Variants in MALRD1 observed in about 807,000 individuals in gnomAD.
MALRD1 encodes MAM and LDL receptor class A domain containing 1, also known as MAM and LDL-receptor class A domain-containing protein 1.
A neutral mutation model predicts 242.1 loss-of-function variants in MALRD1; 247 were observed. The ratio of observed to expected loss-of-function variants is 1.02; its 90% CI spans 0.92 to 1.13. The LOEUF is 1.13. Ranked by LOEUF, MALRD1 falls within the 50% of genes most tolerant of loss-of-function variation. The probability of loss-of-function intolerance (pLI) is 0.00; values close to 1 mark genes in which losing one functional copy is unlikely to be tolerated. For synonymous variants in MALRD1, 995 were observed against 866.6 expected, an observed-to-expected ratio of 1.15 and a Z score of -2.60; for missense variants, 2,989 against 2,533.1, an observed-to-expected ratio of 1.18 and a Z score of -3.86.
intron 38 of MALRD1, among the ~76,000 whole-genome samples, chr10:19,699,285 G>A (rs1275406718): frequency 7.1e-5 from 10 of 140,192 alleles, no homozygotes; most frequent in Admixed American, 6.9e-4. Flanking sequence ...GGAGAAAGGA[G>A]GGAAAGGAGG....
At chr10:19,533,362 C>G (rs1834513912) in intron 32 of MALRD1, among the ~76,000 whole-genome samples, 1 of 152,052 alleles carries the variant, frequency 6.6e-6, no homozygotes, top group South Asian at 2.1e-4. Flanking sequence ...GGGAAGTTTT[C>G]AGAGAGGTCT....
chr10:19,621,351 T>TAAAAAAAAAAAAAAAAAAAAAAAAAA (rs56041015), intron 36 of MALRD1, among the ~76,000 whole-genome samples: 2 of 121,838 alleles, frequency 1.6e-5, no homozygotes, highest in African/African-American at 3.1e-5. Context: ...TAAAAATATG[T>TAAAAAAAAAAAAAAAAAAAAAAAAAA]AAAAAAAAAA....
In MALRD1 at chr10:19,465,216, G is replaced by A. The variant is rs138886248; in HGVS notation, c.5029+14726G>A. 2.4e-3 allele frequency among the ~76,000 whole-genome samples: 366 copies of A among 152,122 alleles called. 7 individuals are homozygous for A. In the East Asian group the frequency reaches 0.051, roughly 21 times the overall value. ...TGCCCTTTATTTCTTTCTCTTGTCT[G>A]AATGCTCTAGCTAGGGCTTCCAGTA... On this transcript the variant is annotated intron_variant, in intron 29 of 39. Coordinates refer to ENST00000454679, the MANE Select transcript of MALRD1 (RefSeq NM_001142308.3).
intron 28 of MALRD1, among the ~76,000 whole-genome samples, chr10:19,449,295 G>A (rs147432396): frequency 0.056 from 8,510 of 152,190 alleles, 769 homozygotes; most frequent in African/African-American, 0.19. Flanking sequence ...TCCTGCCTCA[G>A]TCTCCCAAGT....
intron 38 of MALRD1, among the ~76,000 whole-genome samples, chr10:19,728,978 G>A (rs149701003): frequency 6.6e-6 from 1 of 152,280 alleles, no homozygotes; most frequent in East Asian, 1.9e-4. Context: ...GGAATTAACA[G>A]ATATTTGTTG....
intron 18 of MALRD1, among the ~76,000 whole-genome samples, chr10:19,221,600 G>A (rs1353943891): frequency 2.0e-5 from 3 of 152,118 alleles, no homozygotes; most frequent in Non-Finnish European, 4.4e-5. Context: ...CATGACTAGA[G>A]AAGGGAAGAA....
chr10:19,139,231 A>T (rs1469992747), intron 10 of MALRD1, among the ~76,000 whole-genome samples: 1 of 152,220 alleles, frequency 6.6e-6, no homozygotes, highest in Non-Finnish European at 1.5e-5. Flanking sequence ...GCACTAAAGT[A>T]TTTAATATAT....
chr10:19,655,530 G>GTATATATATA (rs56752723), intron 36 of MALRD1, among the ~76,000 whole-genome samples: 7 of 108,826 alleles, frequency 6.4e-5, no homozygotes, highest in South Asian at 3.1e-4. Context: ...ATGTGTGAGT[G>GTATATATATA]TATATATATA....
intron 29 of MALRD1, among the ~76,000 whole-genome samples, chr10:19,483,923 C>T (rs1456093135): frequency 1.3e-5 from 2 of 152,168 alleles, no homozygotes; most frequent in African/African-American, 4.8e-5. Context: ...ACATATTATA[C>T]ACTATGGAAT....
At chr10:19,320,394 A>G (rs111623065) in intron 21 of MALRD1, among the ~76,000 whole-genome samples, 9,026 of 152,152 alleles carry the variant, frequency 0.059, 552 homozygotes, top group African/African-American at 0.16. Context: ...TGCAAAGGAC[A>G]TGAACTCATT....
intron 31 of MALRD1, among the ~76,000 whole-genome samples, chr10:19,502,012 CAA>C (rs1181159875): frequency 7.4e-5 from 3 of 40,340 alleles, no homozygotes; most frequent in Non-Finnish European, 8.9e-5. Context: ...GATTCTGTCT[CAA>C]AAAAAAAAAA....
rs183087929 is a variant in MALRD1, at chr10:19,458,069, A to C, written c.5029+7579A>C. Among the ~76,000 whole-genome samples, 7 of 152,202 alleles carry C rather than the reference A, an allele frequency of 4.6e-5. No homozygotes were observed. The East Asian group carries it at 1.4e-3, about 29-fold the overall frequency. ...ATTTTTATACTAGGTTTCTTTATACACTGCAATGCACCTTTTGTACCTAGA... is the reference window on the plus strand; with the variant it reads ...ATTTTTATACTAGGTTTCTTTATACCCTGCAATGCACCTTTTGTACCTAGA... On this transcript the variant is annotated intron_variant, in intron 29 of 39. Coordinates refer to ENST00000454679, the MANE Select transcript of MALRD1 (RefSeq NM_001142308.3).
intron 14 of MALRD1, among the ~76,000 whole-genome samples, chr10:19,193,479 T>A (rs11008876): frequency 1.3e-4 from 20 of 152,126 alleles, no homozygotes; most frequent in Admixed American, 7.8e-4. Context: ...CTCTTGAGCC[T>A]GGGAGGTTGA....
At chr10:19,389,284 A>G (rs1023080858) in intron 27 of MALRD1, 168 bp from the exon 28 acceptor site, 6 of 767,292 alleles carry the variant, frequency 7.8e-6, no homozygotes, top group African/African-American at 5.1e-5. Flanking sequence ...TTGTTCTGTC[A>G]GCAAGCTAGA....
chr10:19,587,559 C>G (rs12264616), intron 33 of MALRD1, among the ~76,000 whole-genome samples: 4,327 of 152,292 alleles, frequency 0.028, 165 homozygotes, highest in African/African-American at 0.09. Context: ...GAGCACATTT[C>G]ATTGAATTTC....
At chr10:19,711,672 G>C (rs889539739) in intron 38 of MALRD1, among the ~76,000 whole-genome samples, 1 of 152,206 alleles carries the variant, frequency 6.6e-6, no homozygotes, top group African/African-American at 2.4e-5. Flanking sequence ...AGAACAGCCT[G>C]TGTATATGTG....
At chr10:19,579,387 G>A (rs1474946201) in intron 33 of MALRD1, among the ~76,000 whole-genome samples, 1 of 152,140 alleles carries the variant, frequency 6.6e-6, no homozygotes, top group Non-Finnish European at 1.5e-5. Flanking sequence ...TTCACTGATA[G>A]ATTGTCTAAA....
rs905452363 is a variant in MALRD1 at position 19,158,804 on chromosome 10, A to G, written c.1656+3632A>G. On this transcript the variant is annotated intron_variant, in intron 12 of 39. Transcript: ENST00000454679. ...GCTACAAGAGGGTGAGTCCAGTATA[A>G]TAATAACACTCTACAAATCTCTCTC... Among the ~76,000 whole-genome samples, 25 of 152,222 alleles carry G rather than the reference A, an allele frequency of 1.6e-4. 1 individual carries two copies. Among genetic ancestry groups the G allele is most frequent in the African/African-American group, 6.0e-4 (25 of 41,456 alleles).
At chr10:19,081,523 C>G (rs1298982948) in intron 2 of MALRD1, among the ~76,000 whole-genome samples, 1 of 152,026 alleles carries the variant, frequency 6.6e-6, no homozygotes, top group East Asian at 1.9e-4. Context: ...AACAGAAAAC[C>G]AAATACCACA....
Sources: allele counts gnomAD v4.1 joint callset (sites outside exome capture counted in the v4.1 genomes callset), GRCh38; gene constraint gnomAD v4.1.1; transcripts MANE v1.5; gene names NCBI Gene and HGNC (gene_info 2026-07-23, HGNC 2026-07-21).